Variants in FZD3 observed in about 807,000 individuals in gnomAD.
FZD3 encodes frizzled class receptor 3, also known as frizzled-3.
FZD3 carries 30 observed loss-of-function variants against 60.7 expected under a neutral mutation model. That is an observed-to-expected ratio of 0.49 (90% CI 0.37 to 0.67). The LOEUF is 0.67. FZD3 is among the 30% of genes least tolerant of loss of function. The probability of loss-of-function intolerance (pLI) is 0.00; values close to 1 mark genes in which losing one functional copy is unlikely to be tolerated. For synonymous variants in FZD3, 246 were observed against 275.2 expected (o/e 0.89, Z 1.05); for missense variants, 605 against 838.7 (o/e 0.72, Z 3.44).
chr8:28,539,526 A>G (rs1805106777), intron 5 of FZD3, among the ~76,000 whole-genome samples: 1 of 152,204 alleles, frequency 6.6e-6, no homozygotes, highest in Admixed American at 6.5e-5. Flanking sequence ...GTTGCTAAGC[A>G]GTGTAGTGTA....
At chr8:28,514,094 G>A (rs1804360951) in intron 3 of FZD3, among the ~76,000 whole-genome samples, 1 of 152,172 alleles carries the variant, frequency 6.6e-6, no homozygotes, top group Admixed American at 6.5e-5. Flanking sequence ...TTACTTTCCA[G>A]TTGTAAACTT....
At position 28,564,457 on chromosome 8, in the gene FZD3, A is replaced by G. The variant is rs971835565; in HGVS notation, c.*1446A>G. The G allele has an allele frequency of 1.3e-5, 2 of 150,952 alleles. No homozygotes were observed. Among genetic ancestry groups the G allele is most frequent in the African/African-American group, 4.9e-5 (2 of 41,236 alleles). The allele number at this position is 150,952 out of a possible 1,614,324, so 9.4% of individuals were successfully genotyped here. A position where few individuals can be genotyped will look rare whatever the true frequency, so the allele number is the denominator to read the frequency against. On this transcript the variant is annotated 3_prime_UTR_variant, in exon 8 of 8. Transcript: ENST00000240093. ...GTAGCTTTCTTAAAAAAAAAAAAAA[A>G]AAAAAAAAGCGCTCCAGGTGATTCT... is the stretch of plus-strand genomic sequence containing the variant.
chr8:28,548,037 G>C (rs1319361788), intron 5 of FZD3, among the ~76,000 whole-genome samples: 1 of 151,924 alleles, frequency 6.6e-6, no homozygotes, highest in Non-Finnish European at 1.5e-5. Flanking sequence ...ATTTTTAGTA[G>C]AGACGGGGTT....
At chr8:28,554,586 GTTTC>G (rs1805473314) in intron 6 of FZD3, among the ~76,000 whole-genome samples, 2 of 152,070 alleles carry the variant, frequency 1.3e-5, no homozygotes, top group African/African-American at 4.8e-5. Flanking sequence ...TAAAACTTTA[GTTTC>G]TTTGTCTATG....
chr8:28,525,981 G>C (rs1234339681), intron 4 of FZD3, among the ~76,000 whole-genome samples: 1 of 152,100 alleles, frequency 6.6e-6, no homozygotes, highest in Admixed American at 6.6e-5. Context: ...TAGAAGTATA[G>C]AATAACCATT....
At chr8:28,549,549 A>C (rs1404966429) in intron 5 of FZD3, among the ~76,000 whole-genome samples, 1 of 151,998 alleles carries the variant, frequency 6.6e-6, no homozygotes, top group Non-Finnish European at 1.5e-5. Flanking sequence ...TCTAGTTTTT[A>C]TAAGCTTTAT....
At chr8:28,497,715 G>A (rs948974272) in intron 1 of FZD3, among the ~76,000 whole-genome samples, 3 of 152,156 alleles carry the variant, frequency 2.0e-5, no homozygotes, top group African/African-American at 7.2e-5. Flanking sequence ...GTGTGAATTG[G>A]AATAGAGTTG....
rs1805743472 is a variant in FZD3 at position 28,568,416 on chromosome 8, G to A, written c.*5405G>A. ...GAAAGGAGTAGGAAGACTAGGTATC[G>A]CATGCCTTCCGTCTGATTGTAATCA... On this transcript the variant is annotated 3_prime_UTR_variant, in exon 8 of 8. Coordinates refer to ENST00000240093, the MANE Select transcript of FZD3 (RefSeq NM_017412.4). 1.3e-5 allele frequency: 2 copies of A among 152,134 alleles called. No individual in the cohort carries two copies. The highest frequency in any genetic ancestry group is 2.1e-4 in the South Asian group (1 of 4,826). The allele number at this position is 152,134 out of a possible 1,614,324, so 9.4% of individuals were successfully genotyped here.
intron 3 of FZD3, among the ~76,000 whole-genome samples, chr8:28,511,291 G>A (rs947591057): frequency 7.2e-5 from 11 of 152,142 alleles, no homozygotes; most frequent in Admixed American, 3.9e-4. Context: ...ATCAAGACCA[G>A]CCTGGCCAAC....
At position 28,555,782 on chromosome 8, in the gene FZD3, C is replaced by G. The variant is rs1805496870; in HGVS notation, c.1598C>G (p.Ala533Gly). Residue 533 changes from alanine (A) to glycine (G), a missense_variant, in exon 7 of 8, where the codon GCT becomes GGT. Physicochemically the swap from Ala to Gly is moderately conservative, Grantham distance 60. Coordinates refer to ENST00000240093, the MANE Select transcript of FZD3 (RefSeq NM_017412.4). The stretch of plus-strand genomic sequence containing the variant: ...CAGGTACTCCAGGAACCTGATTTTG[C>G]TCAGTCTCTCCTGAGGGATCCAAAT... ...SRQVLQEPDF[A>G]QSLLRDPNTP... 6.2e-7 allele frequency: 1 copy of G among 1,613,640 alleles called. No individual in the cohort carries two copies. The highest frequency in any genetic ancestry group is 1.7e-5 in the Admixed American group (1 of 60,024).
intron 5 of FZD3, among the ~76,000 whole-genome samples, chr8:28,531,748 C>G (rs1261807985): frequency 6.6e-6 from 1 of 151,964 alleles, no homozygotes; most frequent in Non-Finnish European, 1.5e-5. Flanking sequence ...TGTGATTTAC[C>G]TATTTGTTAT....
intron 7 of FZD3, among the ~76,000 whole-genome samples, chr8:28,560,981 A>T (rs890446592): frequency 1.3e-5 from 2 of 152,208 alleles, no homozygotes; most frequent in Admixed American, 6.5e-5. Context: ...ACCCATTAAC[A>T]TGAGAAATGT....
intron 3 of FZD3, among the ~76,000 whole-genome samples, chr8:28,509,540 T>G (rs1485711812): frequency 6.6e-6 from 1 of 152,178 alleles, no homozygotes; most frequent in Admixed American, 6.5e-5. Context: ...CTCCAGAGTT[T>G]TCTCTTCTTC....
chr8:28,544,949 G>T (rs998903890), intron 5 of FZD3, among the ~76,000 whole-genome samples: 1 of 152,172 alleles, frequency 6.6e-6, no homozygotes, highest in Admixed American at 6.5e-5. Context: ...AGGGCGTTAC[G>T]TAGCGAGAGG....
At chr8:28,558,231 A>G (rs1805548131) in intron 7 of FZD3, among the ~76,000 whole-genome samples, 1 of 152,200 alleles carries the variant, frequency 6.6e-6, no homozygotes, top group Non-Finnish European at 1.5e-5. Context: ...TCACTTGGCA[A>G]TAGCATCGGA....
intron 5 of FZD3, among the ~76,000 whole-genome samples, chr8:28,540,498 A>T (rs1805136436): frequency 6.6e-6 from 1 of 152,128 alleles, no homozygotes; most frequent in Admixed American, 6.5e-5. Context: ...AAGTGCTGGG[A>T]TACATCAGGT....
rs757579616 is a variant in FZD3, at chr8:28,502,891, T to G, written c.-123T>G. 4 of 620,782 alleles carry G rather than the reference T, an allele frequency of 6.4e-6. No individual in the cohort carries two copies. The highest frequency in any genetic ancestry group is 1.1e-5 in the Non-Finnish European group (4 of 356,414). The allele number at this position is 620,782 out of a possible 1,614,324, so 38.5% of individuals were successfully genotyped here. Reference sequence around the variant, plus strand: ...GACGGTGCGAAGAGTATTTAACTGTTTGAAGAATTTAACAGTAAGATACAG... The same window carrying G: ...GACGGTGCGAAGAGTATTTAACTGTGTGAAGAATTTAACAGTAAGATACAG... On this transcript the variant is annotated 5_prime_UTR_variant, in exon 3 of 8. Coordinates refer to ENST00000240093, the MANE Select transcript of FZD3 (RefSeq NM_017412.4).
intron 3 of FZD3, among the ~76,000 whole-genome samples, chr8:28,510,070 T>C (rs1804244162): frequency 6.6e-6 from 1 of 152,180 alleles, no homozygotes; most frequent in African/African-American, 2.4e-5. Flanking sequence ...GATTCCAATT[T>C]CTCCACATCT....
chr8:28,542,106 T>C (rs114248419), intron 5 of FZD3, among the ~76,000 whole-genome samples: 3,165 of 150,756 alleles, frequency 0.021, 101 homozygotes, highest in African/African-American at 0.073. Context: ...TTTTTTTTTT[T>C]TTTTAACTAC....
Sources: gnomAD v4.1 joint callset for allele counts (sites outside exome capture counted in the v4.1 genomes callset) on GRCh38, gnomAD v4.1.1 for gene constraint, MANE v1.5 for transcripts, NCBI Gene and HGNC (gene_info 2026-07-23, HGNC 2026-07-21) for gene names.